MED27: variants seen among roughly 807,000 people sequenced by gnomAD.
The protein encoded by MED27 is mediator complex subunit 27, also known as mediator of RNA polymerase II transcription subunit 27.
Under a neutral mutation model 38.2 loss-of-function variants are expected in MED27, and 30 were observed. The ratio of observed to expected loss-of-function variants is 0.79; its 90% confidence interval spans 0.59 to 1.07. The LOEUF (loss-of-function observed/expected upper bound fraction) is 1.07, where lower values mean the gene tolerates loss of function less well. MED27 is among the 50% of genes least tolerant of loss of function. MED27 has a pLI of 0.00. For missense variants in MED27, 289 were observed against 397.5 expected (o/e 0.73, Z 2.32); for synonymous variants, 122 against 153.5 (o/e 0.79, Z 1.52).
intron 2 of MED27, among the ~76,000 whole-genome samples, chr9:132,024,665 T>C (rs756364436): frequency 5.9e-5 from 9 of 152,212 alleles, no homozygotes; most frequent in Non-Finnish European, 1.3e-4. Flanking sequence ...CTCATACAAC[T>C]GTGGAAGACA....
At position 131,860,583 on chromosome 9, in the gene MED27, C is replaced by T. The variant is rs1294459053; in HGVS notation, c.891G>A (p.Arg297=). The change falls in exon 8 of 8, where the codon AGG becomes AGA. Residue 297 remains arginine (R), a synonymous_variant. Transcript: ENST00000292035. The surrounding 1 kb of genome is among the most constrained non-coding windows in gnomAD (Gnocchi z 5.8). The stretch of plus-strand genomic sequence containing the variant: ...GGAAGGCTTCGAGGGTTCGGAAATC[C>T]CTCCATGTCGGGGGAAGGCCGTCCT... The part of the protein sequence containing the change: ...FLQDGLPPTW[R]DFRTLEAFHD... The T allele has an allele frequency of 6.9e-6, 11 of 1,596,076 alleles. No homozygotes were observed. The highest frequency in any genetic ancestry group is 8.5e-6 in the Non-Finnish European group (10 of 1,171,522).
chr9:131,984,142 C>A (rs951246498), intron 3 of MED27, among the ~76,000 whole-genome samples: 7 of 152,174 alleles, frequency 4.6e-5, no homozygotes, highest in Admixed American at 3.9e-4. Flanking sequence ...CAGATGTCAC[C>A]ATTTCAAGGC....
intron 3 of MED27, among the ~76,000 whole-genome samples, chr9:132,007,030 G>A (rs1832373567): frequency 6.6e-6 from 1 of 152,210 alleles, no homozygotes; most frequent in African/African-American, 2.4e-5. Context: ...GGCGGTGGCA[G>A]AAAATGAGCC....
intron 2 of MED27, among the ~76,000 whole-genome samples, chr9:132,033,935 C>A (rs1322983480): frequency 1.3e-5 from 2 of 152,188 alleles, no homozygotes; most frequent in Non-Finnish European, 2.9e-5. Flanking sequence ...TCTACACTTT[C>A]AATTTGAGAT....
At chr9:132,073,738 T>C in intron 2 of MED27, 1 of 1,515,338 alleles carries the variant, frequency 6.6e-7, no homozygotes, top group Admixed American at 2.2e-5. Context: ...AGAAAGTTGC[T>C]CTTTCTGTAA....
intron 3 of MED27, among the ~76,000 whole-genome samples, chr9:131,942,985 A>C (rs1212234802): frequency 6.6e-6 from 1 of 152,208 alleles, no homozygotes; most frequent in African/African-American, 2.4e-5. Flanking sequence ...ACAGGTAAGT[A>C]AAGAGATCTG....
At chr9:131,942,189 C>A (rs770374080) in intron 3 of MED27, among the ~76,000 whole-genome samples, 9 of 152,088 alleles carry the variant, frequency 5.9e-5, no homozygotes, top group Non-Finnish European at 1.0e-4. Context: ...AGGTTGACCA[C>A]ACATCATCTC....
intron 3 of MED27, among the ~76,000 whole-genome samples, chr9:132,005,251 T>C (rs1271397893): frequency 6.6e-6 from 1 of 152,196 alleles, no homozygotes. Context: ...ATAAGGAAGA[T>C]GATCCCATAC....
chr9:131,949,831 C>G (rs903415370), intron 3 of MED27, among the ~76,000 whole-genome samples: 1 of 152,134 alleles, frequency 6.6e-6, no homozygotes, highest in African/African-American at 2.4e-5. Flanking sequence ...ACAGGACAAC[C>G]AGGTTAAACG....
intron 3 of MED27, among the ~76,000 whole-genome samples, chr9:131,949,776 T>A (rs549972877): frequency 6.6e-6 from 1 of 152,176 alleles, no homozygotes; most frequent in Non-Finnish European, 1.5e-5. Context: ...TCTGCCTTCA[T>A]GGGGTTTCCA....
At position 131,972,299 on chromosome 9, in the gene MED27, C is replaced by CA. The variant is rs902664437; in HGVS notation, c.480-32826dup. 2.2e-3 allele frequency among the ~76,000 whole-genome samples: 322 copies of CA among 148,242 alleles called. 1 individual carries two copies. Among genetic ancestry groups the CA allele is most frequent in the African/African-American group, 5.1e-3 (208 of 40,528 alleles). ...ACAAAATAGTGTCTTTTAGATTTAC[C>CA]AAAAAAAAAATAATAGCTTGAGCAG... is the stretch of plus-strand genomic sequence containing the variant. On this transcript the variant is annotated intron_variant, in intron 3 of 7. Coordinates refer to ENST00000292035, the MANE Select transcript of MED27 (RefSeq NM_004269.4).
Position 131,966,383 on chromosome 9 carries a change from C to CAAAAA in MED27, c.480-26914_480-26910dup, listed in dbSNP as rs749607968. Reference sequence around the variant, plus strand: ...CAGGCAAAAGAGCCAGACCCTGTCACAAAAAAAAAAAAAAAAAGGAAAGGA... The same window carrying CAAAAA: ...CAGGCAAAAGAGCCAGACCCTGTCACAAAAAAAAAAAAAAAAAAAAAAGGAAAGGA... On this transcript the variant is annotated intron_variant, in intron 3 of 7. Coordinates refer to ENST00000292035, the MANE Select transcript of MED27 (RefSeq NM_004269.4). 8.4e-3 allele frequency among the ~76,000 whole-genome samples: 308 copies of CAAAAA among 36,752 alleles called. 32 individuals carry two copies. The highest frequency in any genetic ancestry group is 0.033 in the African/African-American group (206 of 6,270). The allele number at this position is 36,752 out of a possible 152,430, so 24.1% of individuals were successfully genotyped here.
Position 131,908,270 on chromosome 9 carries a change from G to A in MED27, c.574-14278C>T, listed in dbSNP as rs376293492. Among the ~76,000 whole-genome samples the A allele has an allele frequency of 7.8e-5, 11 of 140,610 alleles. No homozygotes were observed. In the East Asian group the frequency reaches 1.3e-3, roughly 17 times the overall value. 92.2% of individuals were successfully genotyped at this position (140,610 alleles called of 152,430 possible). A position where few individuals can be genotyped will look rare whatever the true frequency, so the allele number is the denominator to read the frequency against. ...AGGGAGGTGGGGGGGTCAGCCCCCC[G>A]CCCGGCCAGCCGCCCCGTCCGGGAG... is the stretch of plus-strand genomic sequence containing the variant. On this transcript the variant is annotated intron_variant, in intron 4 of 7. Transcript: ENST00000292035.
intron 2 of MED27, among the ~76,000 whole-genome samples, chr9:132,026,450 A>G (rs977553533): frequency 3.3e-5 from 5 of 152,208 alleles, no homozygotes; most frequent in Non-Finnish European, 5.9e-5. Flanking sequence ...ACCACTGTAC[A>G]TGACAGTGTG....
intron 5 of MED27, among the ~76,000 whole-genome samples, chr9:131,892,873 G>A (rs900520404): frequency 3.9e-5 from 6 of 152,178 alleles, no homozygotes; most frequent in Admixed American, 2.0e-4. Context: ...TGAATGATTT[G>A]GTATCAACGA....
chr9:131,930,530 G>C (rs1830565343), intron 4 of MED27, among the ~76,000 whole-genome samples: 1 of 152,062 alleles, frequency 6.6e-6, no homozygotes, highest in Non-Finnish European at 1.5e-5. Context: ...TATCCTTCAA[G>C]CATGAAGGAG....
chr9:132,062,398 T>C (rs1185227706), intron 2 of MED27, among the ~76,000 whole-genome samples: 4 of 152,034 alleles, frequency 2.6e-5, no homozygotes, highest in African/African-American at 7.3e-5. Context: ...GTAACAAATA[T>C]AGAAAAATGA....
intron 3 of MED27, among the ~76,000 whole-genome samples, chr9:132,006,941 T>C (rs1388902669): frequency 1.3e-5 from 2 of 152,202 alleles, no homozygotes; most frequent in Non-Finnish European, 2.9e-5. Context: ...CTACCACACA[T>C]CTTGGAAAGG....
At chr9:131,950,664 C>G (rs553933989) in intron 3 of MED27, among the ~76,000 whole-genome samples, 1 of 152,192 alleles carries the variant, frequency 6.6e-6, no homozygotes, top group African/African-American at 2.4e-5. Context: ...CAGAAACAGT[C>G]AACACATCTG....
Sources: allele counts gnomAD v4.1 joint callset (sites outside exome capture counted in the v4.1 genomes callset), GRCh38; gene constraint gnomAD v4.1.1; non-coding constraint Gnocchi (gnomAD v3.1); transcripts MANE v1.5; gene names NCBI Gene and HGNC (gene_info 2026-07-23, HGNC 2026-07-21).